Variants in SGPL1 observed in about 807,000 individuals in gnomAD.
SGPL1 encodes SP-lyase 1.
SGPL1 carries 37 observed loss-of-function variants against 68.9 expected under a neutral mutation model. That is an observed-to-expected ratio of 0.54 (90% CI 0.41 to 0.71). SGPL1 has a LOEUF of 0.71. Among genes scored for constraint, SGPL1 ranks in the 30% least tolerant of loss-of-function variants. The pLI is 0.00. For synonymous variants in SGPL1, 236 were observed against 248.5 expected (o/e 0.95, Z 0.47); for missense variants, 551 against 704.6 (o/e 0.78, Z 2.47).
intron 7 of SGPL1, among the ~76,000 whole-genome samples, chr10:70,865,943 AAAG>A (rs1846178766): frequency 6.6e-6 from 1 of 152,214 alleles, no homozygotes; most frequent in South Asian, 2.1e-4. Context: ...ATACATGTTG[AAAG>A]AAGTTGAATG....
rs904711725 is a variant in SGPL1, at chr10:70,877,870, A to G, written c.*535A>G. The G allele has an allele frequency of 1.6e-5, 2 of 128,782 alleles. No homozygotes were observed. Among genetic ancestry groups the G allele is most frequent in the Non-Finnish European group, 3.1e-5 (2 of 64,944 alleles). The allele number at this position is 128,782 out of a possible 1,614,324, so 8.0% of individuals were successfully genotyped here. A position where few individuals can be genotyped will look rare whatever the true frequency, so the allele number is the denominator to read the frequency against. On this transcript the variant is annotated 3_prime_UTR_variant, in exon 15 of 15. Transcript: ENST00000373202. ...TGCTCTTTTGCCCAGTCTGGAGTGCAGTGGCATGATCTCAGCTCACTGCAA... is the reference window on the plus strand; with the variant it reads ...TGCTCTTTTGCCCAGTCTGGAGTGCGGTGGCATGATCTCAGCTCACTGCAA...
At chr10:70,875,194 T>C (rs566624373) in intron 12 of SGPL1, among the ~76,000 whole-genome samples, 1 of 152,266 alleles carries the variant, frequency 6.6e-6, no homozygotes, top group South Asian at 2.1e-4. Flanking sequence ...GAATTCCATT[T>C]TTATTGTTCC....
chr10:70,872,718 C>G (rs1477508013), intron 11 of SGPL1, among the ~76,000 whole-genome samples: 2 of 152,152 alleles, frequency 1.3e-5, no homozygotes, highest in Non-Finnish European at 2.9e-5. Context: ...TCCTTACCAT[C>G]CAGATAGCTC....
chr10:70,853,433 A>G (rs747175255), intron 4 of SGPL1, among the ~76,000 whole-genome samples: 57 of 152,230 alleles, frequency 3.7e-4, no homozygotes, highest in Non-Finnish European at 5.3e-4. Context: ...TCTCTCCCCA[A>G]ACCTACTACC....
Position 70,879,153 on chromosome 10 carries a change from A to G in SGPL1, c.*1818A>G, listed in dbSNP as rs1427133113. 1.3e-5 allele frequency: 2 copies of G among 152,756 alleles called. No homozygotes were observed. The highest frequency in any genetic ancestry group is 6.5e-5 in the Admixed American group (1 of 15,292). The allele number at this position is 152,756 out of a possible 1,614,324, so 9.5% of individuals were successfully genotyped here. A position where few individuals can be genotyped will look rare whatever the true frequency, so the allele number is the denominator to read the frequency against. On this transcript the variant is annotated 3_prime_UTR_variant, in exon 15 of 15. Transcript: ENST00000373202. ...GAGTACTTAAGATGAGTCAAAAGAC[A>G]CTTTCCTCTGTTCCATTCCCCATCT... is the stretch of plus-strand genomic sequence containing the variant.
rs781192882 is a variant in SGPL1 at position 70,857,616 on chromosome 10, G to A, written c.412G>A (p.Ala138Thr). ...AGTGACCTTACCTTTCTCTGCAGAC[G>A]CCTTCTGGCAAGAGGGGAGAGCCTC... ...EKLKEYSSMD[A>T]FWQEGRASGT... is the part of the protein sequence containing the mutation. Residue 138 changes from alanine (A) to threonine (T), a missense_variant and splice_region_variant, in exon 6 of 15, where the codon GCC becomes ACC. Transcript: ENST00000373202. 13 of 1,612,522 alleles carry A rather than the reference G, an allele frequency of 8.1e-6. No individual in the cohort carries two copies. The highest frequency in any genetic ancestry group is 4.5e-5 in the East Asian group (2 of 44,822).
At chr10:70,840,155 ACTC>A (rs1439863482) in intron 2 of SGPL1, among the ~76,000 whole-genome samples, 7 of 151,926 alleles carry the variant, frequency 4.6e-5, no homozygotes, top group Admixed American at 6.6e-5. Flanking sequence ...GTAATGTGTT[ACTC>A]CTCTGCCCAT....
Position 70,880,007 on chromosome 10 carries a change from A to G in SGPL1, c.*2672A>G, listed in dbSNP as rs1293285101. Reference sequence around the variant, plus strand: ...GGAAAATGGTACTTGCTTCTTTTAAATCTCTGTCTTCTCTAACCTCCCCCT... The same window carrying G: ...GGAAAATGGTACTTGCTTCTTTTAAGTCTCTGTCTTCTCTAACCTCCCCCT... On this transcript the variant is annotated 3_prime_UTR_variant, in exon 15 of 15. Transcript: ENST00000373202. The G allele has an allele frequency of 6.6e-6, 1 of 152,530 alleles. No homozygotes were observed. Among genetic ancestry groups the G allele is most frequent in the Admixed American group, 6.5e-5 (1 of 15,284 alleles). The allele number at this position is 152,530 out of a possible 1,614,324, so 9.4% of individuals were successfully genotyped here.
At chr10:70,875,857 T>C (rs1281341840) in intron 13 of SGPL1, among the ~76,000 whole-genome samples, 4 of 152,228 alleles carry the variant, frequency 2.6e-5, no homozygotes, top group Non-Finnish European at 5.9e-5. Context: ...ATTGCTCTTA[T>C]AAAATACTTG....
intron 2 of SGPL1, among the ~76,000 whole-genome samples, chr10:70,819,621 A>G (rs1845301013): frequency 6.9e-6 from 1 of 144,750 alleles, no homozygotes; most frequent in African/African-American, 2.5e-5. Flanking sequence ...AAGTCATGGG[A>G]TGCAGCTTTT....
At chr10:70,834,171 G>A (rs903041168) in intron 2 of SGPL1, among the ~76,000 whole-genome samples, 1 of 152,122 alleles carries the variant, frequency 6.6e-6, no homozygotes, top group African/African-American at 2.4e-5. Flanking sequence ...GGATTCTTAA[G>A]CAGTGTTGCC....
chr10:70,854,610 G>C, intron 4 of SGPL1, 98 bp from the exon 5 acceptor site: 1 of 953,244 alleles, frequency 1.0e-6, no homozygotes, highest in East Asian at 2.5e-5. Flanking sequence ...TTACTTGTGC[G>C]GTGCCTAGCA....
chr10:70,873,132 G>A (rs1476851512), intron 11 of SGPL1, among the ~76,000 whole-genome samples: 1 of 152,178 alleles, frequency 6.6e-6, no homozygotes, highest in Non-Finnish European at 1.5e-5. Context: ...TCTTCCCTGG[G>A]TCTCAGATTC....
At chr10:70,876,991 A>G (rs921850675) in intron 14 of SGPL1, among the ~76,000 whole-genome samples, 1 of 152,274 alleles carries the variant, frequency 6.6e-6, no homozygotes, top group Non-Finnish European at 1.5e-5. Flanking sequence ...CCCTTTATGC[A>G]GAAAGGCAGA....
intron 10 of SGPL1, 47 bp from the exon 11 acceptor site, chr10:70,871,790 A>G: frequency 6.3e-7 from 1 of 1,580,030 alleles, no homozygotes; most frequent in Non-Finnish European, 8.6e-7. Flanking sequence ...TTTTTATTAT[A>G]GGGCTATAAA....
Position 70,876,570 on chromosome 10 carries a change from C to A in SGPL1, c.1475C>A (p.Ala492Asp). The A allele has an allele frequency of 6.2e-7, 1 of 1,612,246 alleles. No homozygotes were observed. Among genetic ancestry groups the A allele is most frequent in the Non-Finnish European group, 8.5e-7 (1 of 1,178,442 alleles). The change falls in exon 14 of 15, where the codon GCC (alanine) becomes GAC (aspartate). Residue 492 changes from alanine (A) to aspartate (D), a missense_variant. Transcript: ENST00000373202. ...CATTTCTGCATCACATTACTACACG[C>A]CCGGAAACGAGTAGCTATACAATTC... ...SIHFCITLLH[A>D]RKRVAIQFLK...
At chr10:70,873,642 A>G (rs1223750218) in intron 12 of SGPL1, 53 bp downstream of exon 12, 2 of 1,331,004 alleles carry the variant, frequency 1.5e-6, no homozygotes, top group East Asian at 4.6e-5. Context: ...TTGTCCTAGT[A>G]GGCTCAAGGC....
chr10:70,850,456 A>G (rs1330211922), intron 3 of SGPL1, among the ~76,000 whole-genome samples: 2 of 152,208 alleles, frequency 1.3e-5, no homozygotes, highest in African/African-American at 2.4e-5. Flanking sequence ...GAAATGTTGA[A>G]CATCTAGAAA....
intron 10 of SGPL1, 142 bp downstream of exon 10, chr10:70,871,288 G>A: frequency 1.7e-6 from 1 of 572,338 alleles, no homozygotes; most frequent in Non-Finnish European, 3.1e-6. Context: ...CAGCCCTAGG[G>A]GAAGCCCTGC....
Sources: allele counts gnomAD v4.1 joint callset (sites outside exome capture counted in the v4.1 genomes callset), GRCh38; gene constraint gnomAD v4.1.1; transcripts MANE v1.5; gene names NCBI Gene and HGNC (gene_info 2026-07-23, HGNC 2026-07-21).